The following LMOD2 variants were observed in gnomAD, a reference collection of about 807,000 sequenced individuals.
LMOD2 encodes the protein leiomodin 2, also known as leiomodin-2.
In LMOD2, 27 loss-of-function variants were observed where a neutral mutation model predicts 41.7. The observed-to-expected ratio is 0.65, with a 90% CI of 0.48 to 0.89. The LOEUF (loss-of-function observed/expected upper bound fraction) is 0.89, where lower values mean the gene tolerates loss of function less well. Among genes scored for constraint, LMOD2 ranks in the 40% least tolerant of loss-of-function variants. LMOD2 has a pLI of 0.00. For synonymous variants in LMOD2, 251 were observed against 244.6 expected (o/e 1.03, Z -0.25); for missense variants, 624 against 667.9 (o/e 0.93, Z 0.72).
In LMOD2 at chr7:123,656,074, G is replaced by A. The variant is rs1458607561; in HGVS notation, c.111G>A (p.Leu37=). 4 of 1,612,052 alleles carry A rather than the reference G, an allele frequency of 2.5e-6. No individual in the cohort carries two copies. In the Admixed American group the frequency reaches 5.0e-5, roughly 20 times the overall value. The change falls in exon 1 of 3, where the codon TTG becomes TTA. Residue 37 remains leucine, a synonymous_variant. Coordinates refer to ENST00000458573, the MANE Select transcript of LMOD2 (RefSeq NM_207163.3). ...AGCTGAAGGAGCTAGAGAGAGAGTTGGAAGACATTGAACCTGACCGCAACC... is the reference window on the plus strand; with the variant it reads ...AGCTGAAGGAGCTAGAGAGAGAGTTAGAAGACATTGAACCTGACCGCAACC... ...AEELKELERE[L]EDIEPDRNLP...
chr7:123,659,952 A>C (rs986261020), intron 1 of LMOD2, among the ~76,000 whole-genome samples: 4 of 152,124 alleles, frequency 2.6e-5, no homozygotes, highest in African/African-American at 9.7e-5. Context: ...AAGGGAGTAA[A>C]ATGTAATGGT....
In LMOD2 at chr7:123,662,567, G is replaced by C. The variant is rs373016889; in HGVS notation, c.981G>C (p.Thr327=). The C allele has an allele frequency of 5.6e-6, 9 of 1,613,860 alleles. No homozygotes were observed. Among genetic ancestry groups the C allele is most frequent in the African/African-American group, 2.7e-5 (2 of 74,916 alleles). Residue 327 remains threonine, a synonymous_variant, in exon 2 of 3, where the codon ACG becomes ACC. Coordinates refer to ENST00000458573, the MANE Select transcript of LMOD2 (RefSeq NM_207163.3). The surrounding 1 kb of genome is among the most constrained non-coding windows in gnomAD (Gnocchi z 4.0). ...EIVKLLKENT[T]LLRLGYHFEL... is the part of the protein sequence containing the mutation. ...TCAAGCTGCTGAAGGAGAACACGAC[G>C]CTGCTGAGGCTGGGATACCATTTTG...
At position 123,661,997 on chromosome 7, in the gene LMOD2, G is replaced by A; in HGVS notation, c.411G>A (p.Glu137=). 6.4e-7 allele frequency: 1 copy of A among 1,563,306 alleles called. No homozygotes were observed. Among genetic ancestry groups the A allele is most frequent in the Non-Finnish European group, 8.7e-7 (1 of 1,153,078 alleles). Residue 137 remains glutamate, a synonymous_variant, in exon 2 of 3, where the codon GAG becomes GAA. Transcript: ENST00000458573. ...EEEEEEDSDE[E]ERTIETAKGI... ...AGGAGGAAGAAGACAGTGACGAAGA[G>A]GAAAGAACAATTGAAACTGCAAAAG...
In LMOD2 at chr7:123,662,798, CA is replaced by C; in HGVS notation, c.1218del (p.Val407SerfsTer4). ...CACCCTGGTCATCCCCAAAACTCCC[CA>C]AAAAAGTCCAGACTGTGAGGAGCCG... is the stretch of plus-strand genomic sequence containing the variant. ...HSPWSSPKLP[K>X]KVQTVRSRPL... is the part of the protein sequence containing the mutation. On this transcript the variant is annotated frameshift_variant, in exon 2 of 3. Transcript: ENST00000458573. LOFTEE classifies it high-confidence loss of function. The surrounding 1 kb of genome is among the most constrained non-coding windows in gnomAD (Gnocchi z 4.0). 10 of 1,613,694 alleles carry C rather than the reference CA, an allele frequency of 6.2e-6. No individual in the cohort carries two copies. The highest frequency in any genetic ancestry group is 8.5e-6 in the Non-Finnish European group (10 of 1,179,820).
At position 123,659,976 on chromosome 7, in the gene LMOD2, G is replaced by A. The variant is rs554606335; in HGVS notation, c.274-1884G>A. On this transcript the variant is annotated intron_variant, in intron 1 of 2. Transcript: ENST00000458573. ...AAATGTAATGGTGTCATACAAGGCCGTATACCTTGGATTTTGAGACAGGCC... is the reference window on the plus strand; with the variant it reads ...AAATGTAATGGTGTCATACAAGGCCATATACCTTGGATTTTGAGACAGGCC... Among the ~76,000 whole-genome samples the A allele has an allele frequency of 3.3e-5, 5 of 152,240 alleles. No individual in the cohort carries two copies. The South Asian group carries it at 6.2e-4, about 19-fold the overall frequency.
chr7:123,660,281 T>C (rs1268263775), intron 1 of LMOD2, among the ~76,000 whole-genome samples: 1 of 145,566 alleles, frequency 6.9e-6, no homozygotes, highest in Non-Finnish European at 1.5e-5. Context: ...AACATTTCTC[T>C]CTCTTTCTCT....
chr7:123,662,838 G>A lies in LMOD2; in HGVS notation c.1252G>A (p.Val418Met), dbSNP rs889326390. 1 of 1,610,484 alleles carries A rather than the reference G, an allele frequency of 6.2e-7. No individual in the cohort carries two copies. Among genetic ancestry groups the A allele is most frequent in the South Asian group, 1.1e-5 (1 of 90,764 alleles). Residue 418 changes from valine to methionine, a missense_variant, in exon 2 of 3, where the codon GTG becomes ATG. Val to Met is a conservative substitution (Grantham distance 21). Coordinates refer to ENST00000458573, the MANE Select transcript of LMOD2 (RefSeq NM_207163.3). This position sits in a 1 kb window ranked among gnomAD's most constrained non-coding sequence, Gnocchi z 4.0. ...QTVRSRPLSP[V>M]ATPPPPPPPP... Reference sequence around the variant, plus strand: ...TGTGAGGAGCCGTCCTCTGTCTCCTGTGGCCACACCTCCTCCTCCTCCCCC... The same window carrying A: ...TGTGAGGAGCCGTCCTCTGTCTCCTATGGCCACACCTCCTCCTCCTCCCCC...
chr7:123,662,231 A>G lies in LMOD2; in HGVS notation c.645A>G (p.Glu215=), dbSNP rs763472037. Residue 215 remains glutamate, a synonymous_variant, in exon 2 of 3, where the codon GAA becomes GAG. Coordinates refer to ENST00000458573, the MANE Select transcript of LMOD2 (RefSeq NM_207163.3). This position sits in a 1 kb window ranked among gnomAD's most constrained non-coding sequence, Gnocchi z 4.0. ...KIKSNDPDTT[E]VNLNNIENIT... ...AAAGCAATGACCCTGACACCACAGA[A>G]GTCAATTTGAACAACATTGAGAACA... 5.0e-6 allele frequency: 8 copies of G among 1,614,016 alleles called. No individual in the cohort carries two copies. Among genetic ancestry groups the G allele is most frequent in the Non-Finnish European group, 6.8e-6 (8 of 1,179,894 alleles).
chr7:123,658,919 CTT>C (rs1383465435), intron 1 of LMOD2, among the ~76,000 whole-genome samples: 1 of 152,134 alleles, frequency 6.6e-6, no homozygotes, highest in East Asian at 1.9e-4. Context: ...CACAGTAAAA[CTT>C]AAGAACCGCT....
rs764505616 is a variant in LMOD2, at chr7:123,662,765, C to A, written c.1179C>A (p.Pro393=). The A allele has an allele frequency of 5.6e-6, 9 of 1,613,944 alleles. No individual in the cohort carries two copies. Among genetic ancestry groups the A allele is most frequent in the South Asian group, 2.2e-5 (2 of 91,072 alleles). Residue 393 remains proline, a synonymous_variant, in exon 2 of 3, where the codon CCC becomes CCA. Coordinates refer to ENST00000458573, the MANE Select transcript of LMOD2 (RefSeq NM_207163.3). The surrounding 1 kb of genome is among the most constrained non-coding windows in gnomAD (Gnocchi z 4.0). ...GTPSSSPYVS[P]RHSPWSSPKL... is the part of the protein sequence containing the mutation. The stretch of plus-strand genomic sequence containing the variant: ...CTAGCTCTTCACCTTATGTATCTCC[C>A]AGGCACTCACCCTGGTCATCCCCAA...
At chr7:123,661,833 G>T (rs766790007) in intron 1 of LMOD2, 27 bp from the exon 2 acceptor site, 1 of 1,392,324 alleles carries the variant, frequency 7.2e-7, no homozygotes, top group South Asian at 1.5e-5. Flanking sequence ...TTTTTAAGAA[G>T]CTTAATGATG....
At position 123,655,971 on chromosome 7, in the gene LMOD2, C is replaced by T; in HGVS notation, c.8C>T (p.Thr3Ile). 3 of 1,604,894 alleles carry T rather than the reference C, an allele frequency of 1.9e-6. No homozygotes were observed. The highest frequency in any genetic ancestry group is 2.5e-6 in the Non-Finnish European group (3 of 1,176,590). The change falls in exon 1 of 3, where the codon ACC (threonine) becomes ATC (isoleucine). Residue 3 changes from threonine to isoleucine, a missense_variant. Coordinates refer to ENST00000458573, the MANE Select transcript of LMOD2 (RefSeq NM_207163.3). The stretch of plus-strand genomic sequence containing the variant: ...TCTGACAAAGCAGGGACCATGTCTA[C>T]CTTTGGCTACCGAAGAGGACTCAGT... MS[T>I]FGYRRGLSKY... is the part of the protein sequence containing the mutation.
At chr7:123,661,064 C>T (rs1049663296) in intron 1 of LMOD2, among the ~76,000 whole-genome samples, 1 of 152,128 alleles carries the variant, frequency 6.6e-6, no homozygotes, top group Admixed American at 6.5e-5. Flanking sequence ...AGTTGATTTT[C>T]CCAAAAGGGT....
rs1421353277 is a variant in LMOD2, at chr7:123,663,897, C to A, written c.*152C>A. The A allele has an allele frequency of 1.6e-6, 1 of 641,858 alleles. No individual in the cohort carries two copies. The highest frequency in any genetic ancestry group is 2.6e-6 in the Non-Finnish European group (1 of 378,830). The allele number at this position is 641,858 out of a possible 1,614,324, so 39.8% of individuals were successfully genotyped here. A position where few individuals can be genotyped will look rare whatever the true frequency, so the allele number is the denominator to read the frequency against. On this transcript the variant is annotated 3_prime_UTR_variant, in exon 3 of 3. Transcript: ENST00000458573. Reference sequence around the variant, plus strand: ...TAATTCCAAAGAGAATCTTAAGAAACAATCAGCATGTTTCTTCTGTAAATA... The same window carrying A: ...TAATTCCAAAGAGAATCTTAAGAAAAAATCAGCATGTTTCTTCTGTAAATA...
chr7:123,659,021 C>A (rs773001104), intron 1 of LMOD2, among the ~76,000 whole-genome samples: 2 of 152,156 alleles, frequency 1.3e-5, no homozygotes, highest in Non-Finnish European at 2.9e-5. Context: ...ACTTTTGACT[C>A]CCCCAAACCT....
At chr7:123,657,068 T>C (rs1423860642) in intron 1 of LMOD2, among the ~76,000 whole-genome samples, 2 of 152,178 alleles carry the variant, frequency 1.3e-5, no homozygotes, top group Non-Finnish European at 2.9e-5. Context: ...TTTACGATGG[T>C]GATCCTGAGG....
At chr7:123,656,329 A>C in intron 1 of LMOD2, 93 bp downstream of exon 1, 42 of 1,321,078 alleles carry the variant, frequency 3.2e-5, no homozygotes, top group Non-Finnish European at 3.9e-5. Flanking sequence ...CTCAATCCTC[A>C]TCACTTGAAT....
At chr7:123,658,128 C>T (rs1390821801) in intron 1 of LMOD2, among the ~76,000 whole-genome samples, 2 of 152,070 alleles carry the variant, frequency 1.3e-5, no homozygotes, top group Non-Finnish European at 1.5e-5. Context: ...CAAAACCTAT[C>T]GTCAGCCGGA....
Position 123,663,994 on chromosome 7 carries a change from C to G in LMOD2, c.*249C>G. 2 of 470,772 alleles carry G rather than the reference C, an allele frequency of 4.2e-6. No individual in the cohort carries two copies. The highest frequency in any genetic ancestry group is 7.6e-5 in the South Asian group (2 of 26,474). 29.2% of individuals were successfully genotyped at this position (470,772 alleles called of 1,614,324 possible). On this transcript the variant is annotated 3_prime_UTR_variant, in exon 3 of 3. Coordinates refer to ENST00000458573, the MANE Select transcript of LMOD2 (RefSeq NM_207163.3). Reference sequence around the variant, plus strand: ...AGCAGTTAATTTAAAGATGCTCTTCCTATCTGTGGATGTGTTGGTAACTCC... The same window carrying G: ...AGCAGTTAATTTAAAGATGCTCTTCGTATCTGTGGATGTGTTGGTAACTCC...
Sources: gnomAD v4.1 joint callset for allele counts (sites outside exome capture counted in the v4.1 genomes callset) on GRCh38, gnomAD v4.1.1 for gene constraint, Gnocchi (gnomAD v3.1) non-coding constraint, MANE v1.5 for transcripts, NCBI Gene and HGNC (gene_info 2026-07-23, HGNC 2026-07-21) for gene names.